The following NRG3 variants were observed in gnomAD, a reference collection of about 807,000 sequenced individuals.
NRG3 encodes the protein pro-neuregulin-3, membrane-bound isoform.
Under a neutral mutation model 66.9 loss-of-function variants are expected in NRG3, and 31 were observed. The observed-to-expected ratio is 0.46, with a 90% CI of 0.35 to 0.63. The LOEUF (loss-of-function observed/expected upper bound fraction) is 0.63, where lower values mean the gene tolerates loss of function less well. Ranked by LOEUF, NRG3 falls within the 20% of genes least tolerant of loss-of-function variation. The probability of loss-of-function intolerance (pLI) is 0.00; values close to 1 mark genes in which losing one functional copy is unlikely to be tolerated. For missense variants in NRG3, 910 were observed against 878.9 expected (o/e 1.04, Z -0.45); for synonymous variants, 393 against 359.4 (o/e 1.09, Z -1.06).
In NRG3 at chr10:82,023,820, G is replaced by A. The variant is rs80154813; in HGVS notation, c.823+147657G>A. Among the ~76,000 whole-genome samples the A allele has an allele frequency of 2.8e-3, 419 of 151,966 alleles. 3 individuals are homozygous for A. The highest frequency in any genetic ancestry group is 9.3e-3 in the African/African-American group (387 of 41,488). The stretch of plus-strand genomic sequence containing the variant: ...TATTGGCTTGTAGTTTCCTTCTTTT[G>A]TTGTGTCTGTGTCTGGTTTTGGTAT... On this transcript the variant is annotated intron_variant, in intron 1 of 8. Coordinates refer to ENST00000372141, the MANE Select transcript of NRG3 (RefSeq NM_001010848.4).
intron 2 of NRG3, among the ~76,000 whole-genome samples, chr10:82,409,502 A>T (rs1240413658): frequency 5.9e-5 from 9 of 152,160 alleles, no homozygotes; most frequent in Admixed American, 3.3e-4. Flanking sequence ...TGGGTAGAAA[A>T]TATTAATAGT....
At chr10:81,909,287 A>T (rs1394932950) in intron 1 of NRG3, among the ~76,000 whole-genome samples, 2 of 152,114 alleles carry the variant, frequency 1.3e-5, no homozygotes, top group African/African-American at 4.8e-5. Flanking sequence ...ATTCTACTCC[A>T]GTCTGACCTT....
At chr10:82,236,816 T>C (rs886629445) in intron 1 of NRG3, among the ~76,000 whole-genome samples, 18 of 147,960 alleles carry the variant, frequency 1.2e-4, no homozygotes, top group East Asian at 4.2e-4. Flanking sequence ...CCCGGGTTCA[T>C]GCCATTCTCT....
intron 1 of NRG3, among the ~76,000 whole-genome samples, chr10:82,152,230 A>G (rs562920241): frequency 3.9e-5 from 6 of 152,300 alleles, no homozygotes; most frequent in Middle Eastern, 3.4e-3. Context: ...GATTTGGCTC[A>G]TGTCTCTCAG....
intron 2 of NRG3, among the ~76,000 whole-genome samples, chr10:82,676,402 C>G (rs368261101): frequency 6.6e-6 from 1 of 152,122 alleles, no homozygotes; most frequent in African/African-American, 2.4e-5. Context: ...CAGGGGACCG[C>G]CCCCAGCCAC....
chr10:82,720,865 A>C (rs1591305439), intron 2 of NRG3, among the ~76,000 whole-genome samples: 1 of 134,710 alleles, frequency 7.4e-6, no homozygotes, highest in Admixed American at 7.3e-5. Context: ...GATTAACTGA[A>C]TCTCTCTCTC....
intron 2 of NRG3, among the ~76,000 whole-genome samples, chr10:82,464,372 G>A (rs749506620): frequency 5.7e-4 from 87 of 152,330 alleles, no homozygotes; most frequent in Admixed American, 7.2e-4. Context: ...GAAGCACCGA[G>A]TGCATTTGCT....
chr10:82,593,969 G>A (rs979483032), intron 2 of NRG3, among the ~76,000 whole-genome samples: 1 of 152,022 alleles, frequency 6.6e-6, no homozygotes, highest in African/African-American at 2.4e-5. Context: ...GTAAAAGCCA[G>A]ACTTTCTTTG....
intron 1 of NRG3, among the ~76,000 whole-genome samples, chr10:81,923,035 G>A (rs1846397963): frequency 6.6e-6 from 1 of 152,116 alleles, no homozygotes; most frequent in Admixed American, 6.5e-5. Context: ...ATTTTCTAAT[G>A]CCTCTAGTAA....
intron 2 of NRG3, among the ~76,000 whole-genome samples, chr10:82,738,078 T>TAAA (rs35993172): frequency 4.7e-5 from 7 of 147,670 alleles, no homozygotes; most frequent in African/African-American, 1.7e-4. Flanking sequence ...ACTAAGAGGT[T>TAAA]AAAAAAAAAA....
intron 1 of NRG3, among the ~76,000 whole-genome samples, chr10:82,171,279 T>C (rs1239691131): frequency 6.6e-6 from 1 of 152,066 alleles, no homozygotes; most frequent in Non-Finnish European, 1.5e-5. Context: ...AAAGATGAAG[T>C]ATACTCCTTA....
intron 1 of NRG3, among the ~76,000 whole-genome samples, chr10:82,056,633 G>A (rs2063858875): frequency 6.6e-6 from 1 of 152,172 alleles, no homozygotes; most frequent in African/African-American, 2.4e-5. Flanking sequence ...TTCCATCTGG[G>A]ATTTTTCAAG....
intron 2 of NRG3, among the ~76,000 whole-genome samples, chr10:82,726,219 A>G (rs1260501900): frequency 2.0e-5 from 3 of 152,172 alleles, no homozygotes; most frequent in Admixed American, 1.3e-4. Context: ...CAGCAGCCCA[A>G]CCTGATTTAT....
At chr10:81,946,618 T>G (rs1848861892) in intron 1 of NRG3, among the ~76,000 whole-genome samples, 1 of 152,056 alleles carries the variant, frequency 6.6e-6, no homozygotes, top group Admixed American at 6.6e-5. Flanking sequence ...TGTATGTGAG[T>G]GTGTGTCTAT....
intron 1 of NRG3, among the ~76,000 whole-genome samples, chr10:82,079,379 T>A (rs890346432): frequency 6.6e-6 from 1 of 152,096 alleles, no homozygotes; most frequent in African/African-American, 2.4e-5. Context: ...CACAGCAAAA[T>A]TGAAAGGAAG....
At chr10:82,027,505 G>A (rs72823898) in intron 1 of NRG3, among the ~76,000 whole-genome samples, 9,209 of 152,080 alleles carry the variant, frequency 0.061, 354 homozygotes, top group East Asian at 0.15. Flanking sequence ...ATTTAGAAAC[G>A]ATGGTTCTGT....
chr10:82,872,843 A>G (rs572133599), intron 4 of NRG3, among the ~76,000 whole-genome samples: 1 of 152,238 alleles, frequency 6.6e-6, no homozygotes, highest in African/African-American at 2.4e-5. Flanking sequence ...ATACTTAGTA[A>G]TGCCATAGTG....
chr10:81,913,766 G>A (rs965258753), intron 1 of NRG3, among the ~76,000 whole-genome samples: 1 of 152,132 alleles, frequency 6.6e-6, no homozygotes, highest in East Asian at 1.9e-4. Context: ...CACGTGGAAT[G>A]TCTGATAAAT....
intron 1 of NRG3, among the ~76,000 whole-genome samples, chr10:82,026,051 A>G (rs530164536): frequency 1.3e-5 from 2 of 152,202 alleles, no homozygotes; most frequent in Admixed American, 1.3e-4. Flanking sequence ...TCAAGCCCTT[A>G]TAAGAGGAAG....
Sources: gnomAD v4.1 joint callset for allele counts (sites outside exome capture counted in the v4.1 genomes callset) on GRCh38, gnomAD v4.1.1 for gene constraint, MANE v1.5 for transcripts, NCBI Gene and HGNC (gene_info 2026-07-23, HGNC 2026-07-21) for gene names.